The following CFAP77 variants were observed in gnomAD, a reference collection of about 807,000 sequenced individuals.
CFAP77 encodes cilia and flagella associated protein 77, also known as cilia- and flagella-associated protein 77.
Under a neutral mutation model 31.1 loss-of-function variants are expected in CFAP77, and 25 were observed. That is an observed-to-expected ratio of 0.80 (90% confidence interval 0.59 to 1.12). The LOEUF (loss-of-function observed/expected upper bound fraction) is 1.12, where lower values mean the gene tolerates loss of function less well. Among genes scored for constraint, CFAP77 ranks in the 50% most tolerant of loss-of-function variants. CFAP77 has a pLI of 0.00. For missense variants in CFAP77, 377 were observed against 397.3 expected (o/e 0.95, Z 0.44); for synonymous variants, 151 against 159.9 (o/e 0.94, Z 0.42).
At chr9:132,414,599 A>G (rs887463670) in intron 1 of CFAP77, among the ~76,000 whole-genome samples, 1 of 152,024 alleles carries the variant, frequency 6.6e-6, no homozygotes, top group African/African-American at 2.4e-5. Context: ...TAAGTTTTCA[A>G]GTGAGCTGCA....
chr9:132,513,896 T>C (rs1438640506), intron 3 of CFAP77, among the ~76,000 whole-genome samples: 4 of 151,644 alleles, frequency 2.6e-5, no homozygotes, highest in Non-Finnish European at 4.4e-5. Flanking sequence ...TCTGTGTCAT[T>C]GACCACGGGT....
Position 132,497,445 on chromosome 9 carries a change from CGCCTGTGGCCTGTG to C in CFAP77, c.196-1234_196-1221del, listed in dbSNP as rs540192360. Among the ~76,000 whole-genome samples the C allele has an allele frequency of 2.0e-5, 3 of 152,188 alleles. No individual in the cohort carries two copies. Among genetic ancestry groups the C allele is most frequent in the Non-Finnish European group, 2.9e-5 (2 of 68,030 alleles). ...TAACACCCTGTGACTTCGAAACCAC[CGCCTGTGGCCTGTG>C]GCCTGTGGCCTGTGGACAGTGGAAG... On this transcript the variant is annotated intron_variant, in intron 1 of 5. Transcript: ENST00000393216. The surrounding 1 kb of genome is among the most constrained non-coding windows in gnomAD (Gnocchi z 4.9).
intron 1 of CFAP77, among the ~76,000 whole-genome samples, chr9:132,460,721 A>G (rs2131725205): frequency 6.6e-6 from 1 of 152,096 alleles, no homozygotes; most frequent in Middle Eastern, 3.4e-3. Context: ...TTGTGAATCT[A>G]CTCAATACCA....
intron 3 of CFAP77, among the ~76,000 whole-genome samples, chr9:132,512,634 G>A (rs1852059693): frequency 6.6e-6 from 1 of 152,218 alleles, no homozygotes; most frequent in Non-Finnish European, 1.5e-5. Context: ...TGCAGAAGGG[G>A]TTTGTAATCA....
rs915426580 is a variant in CFAP77, at chr9:132,564,013, C to T, written c.733-8375C>T. Among the ~76,000 whole-genome samples the T allele has an allele frequency of 2.0e-5, 3 of 152,158 alleles. No homozygotes were observed. The highest frequency in any genetic ancestry group is 4.4e-5 in the Non-Finnish European group (3 of 68,026). ...TGCTATTTCCTCAGGGAAGCCTTCTCTGGCCTCAATCAGAGTTGGAGTCTC... is the reference window on the plus strand; with the variant it reads ...TGCTATTTCCTCAGGGAAGCCTTCTTTGGCCTCAATCAGAGTTGGAGTCTC... On this transcript the variant is annotated intron_variant, in intron 5 of 5. Coordinates refer to ENST00000393216, the MANE Select transcript of CFAP77 (RefSeq NM_001282957.2). The surrounding 1 kb of genome is among the most constrained non-coding windows in gnomAD (Gnocchi z 4.6).
chr9:132,481,775 C>T lies in CFAP77; in HGVS notation c.196-16920C>T, dbSNP rs2041303407. Among the ~76,000 whole-genome samples, 1 of 152,226 alleles carries T rather than the reference C, an allele frequency of 6.6e-6. No individual in the cohort carries two copies. The highest frequency in any genetic ancestry group is 2.4e-5 in the African/African-American group (1 of 41,454). ...GGGACGCCTCCTCCGCCTCAGCTAT[C>T]TGCTATGCTAACAGGTCAGCTGCCA... On this transcript the variant is annotated intron_variant, in intron 1 of 5. Coordinates refer to ENST00000393216, the MANE Select transcript of CFAP77 (RefSeq NM_001282957.2). This position sits in a 1 kb window ranked among gnomAD's most constrained non-coding sequence, Gnocchi z 5.0.
At chr9:132,459,420 G>GGTGTGTGTGTGT (rs112825234) in intron 1 of CFAP77, among the ~76,000 whole-genome samples, 12 of 143,962 alleles carry the variant, frequency 8.3e-5, no homozygotes, top group South Asian at 2.2e-4. Flanking sequence ...GGATGAATAG[G>GGTGTGTGTGTGT]GTGTGTGTGT....
intron 4 of CFAP77, among the ~76,000 whole-genome samples, chr9:132,540,662 G>T (rs1461066588): frequency 6.6e-6 from 1 of 152,226 alleles, no homozygotes; most frequent in Non-Finnish European, 1.5e-5. Context: ...TGCTGGATTT[G>T]GTGAAGAAGG....
At chr9:132,472,326 CTCTT>C (rs778900460) in intron 1 of CFAP77, among the ~76,000 whole-genome samples, 5 of 152,204 alleles carry the variant, frequency 3.3e-5, no homozygotes, top group African/African-American at 1.2e-4. Context: ...ATTTTCAAGA[CTCTT>C]TATTGTAGAA....
At chr9:132,549,890 G>A (rs537259291) in intron 5 of CFAP77, among the ~76,000 whole-genome samples, 1 of 152,202 alleles carries the variant, frequency 6.6e-6, no homozygotes, top group East Asian at 1.9e-4. Flanking sequence ...TACATAATCT[G>A]GCACCTCAGA....
chr9:132,531,263 C>A (rs1446979974), intron 3 of CFAP77, among the ~76,000 whole-genome samples: 5 of 152,210 alleles, frequency 3.3e-5, no homozygotes, highest in Admixed American at 2.0e-4. Flanking sequence ...CTGAGAGCAG[C>A]ACTGTGCCAG....
chr9:132,512,507 G>A (rs1044722981), intron 3 of CFAP77, among the ~76,000 whole-genome samples: 2 of 152,202 alleles, frequency 1.3e-5, no homozygotes, highest in Non-Finnish European at 2.9e-5. Context: ...TCAAGTCAGA[G>A]TGTCCTGCAT....
chr9:132,485,810 T>A (rs1851530419), intron 1 of CFAP77, among the ~76,000 whole-genome samples: 1 of 151,418 alleles, frequency 6.6e-6, no homozygotes, highest in Non-Finnish European at 1.5e-5. Flanking sequence ...ACTTACTCCA[T>A]GTCCACCAAA....
intron 1 of CFAP77, among the ~76,000 whole-genome samples, chr9:132,459,782 G>T (rs191875304): frequency 6.6e-6 from 1 of 150,932 alleles, no homozygotes; most frequent in South Asian, 2.1e-4. Context: ...GTGTGAGAGC[G>T]TGTGTGTATG....
chr9:132,515,240 A>G (rs4962069), intron 3 of CFAP77, among the ~76,000 whole-genome samples: 90,928 of 152,074 alleles, frequency 0.6, 28,313 homozygotes, highest in East Asian at 0.78. Context: ...TTCACTCTTC[A>G]GACAGAGAAC....
At chr9:132,512,244 C>T (rs1180754936) in intron 3 of CFAP77, among the ~76,000 whole-genome samples, 2 of 152,198 alleles carry the variant, frequency 1.3e-5, no homozygotes, top group Non-Finnish European at 2.9e-5. Flanking sequence ...CTTCACGTGG[C>T]TGTCTCTCCT....
chr9:132,462,985 T>C (rs1254653925), intron 1 of CFAP77, among the ~76,000 whole-genome samples: 1 of 152,052 alleles, frequency 6.6e-6, no homozygotes, highest in Non-Finnish European at 1.5e-5. Flanking sequence ...TTCATAGATG[T>C]GTGTATTATT....
At chr9:132,427,530 G>A (rs979520869) in intron 1 of CFAP77, among the ~76,000 whole-genome samples, 3 of 152,226 alleles carry the variant, frequency 2.0e-5, no homozygotes, top group South Asian at 2.1e-4. Flanking sequence ...CACGATAATC[G>A]CTTGAACCCG....
At chr9:132,431,097 G>A (rs547538042) in intron 1 of CFAP77, among the ~76,000 whole-genome samples, 2 of 152,288 alleles carry the variant, frequency 1.3e-5, no homozygotes, top group African/African-American at 4.8e-5. Context: ...AGCCAGAGAA[G>A]GGAAGTCCAA....
Sources: allele counts gnomAD v4.1 joint callset (sites outside exome capture counted in the v4.1 genomes callset), GRCh38; gene constraint gnomAD v4.1.1; non-coding constraint Gnocchi (gnomAD v3.1); transcripts MANE v1.5; gene names NCBI Gene and HGNC (gene_info 2026-07-23, HGNC 2026-07-21).